CNTN5: variants seen among roughly 807,000 people sequenced by gnomAD.
CNTN5 encodes the protein contactin 5.
A neutral mutation model predicts 129.1 loss-of-function variants in CNTN5; 77 were observed. The ratio of observed to expected loss-of-function variants is 0.60; its 90% CI spans 0.50 to 0.72. The LOEUF is 0.72. CNTN5 is among the 30% of genes least tolerant of loss of function. The probability of loss-of-function intolerance (pLI) is 0.00; values close to 1 mark genes in which losing one functional copy is unlikely to be tolerated. For synonymous variants in CNTN5, 509 were observed against 465.6 expected (o/e 1.09, Z -1.20); for missense variants, 1,478 against 1,328.8 (o/e 1.11, Z -1.75).
intron 1 of CNTN5, among the ~76,000 whole-genome samples, chr11:99,113,824 CTT>C (rs751889469): frequency 6.6e-6 from 1 of 152,072 alleles, no homozygotes; most frequent in Non-Finnish European, 1.5e-5. Flanking sequence ...AAATTCCTAA[CTT>C]ATTACATAAA....
chr11:99,274,908 G>C (rs1017404410), intron 1 of CNTN5, among the ~76,000 whole-genome samples: 2 of 151,386 alleles, frequency 1.3e-5, no homozygotes, highest in Non-Finnish European at 3.0e-5. Flanking sequence ...TTAATTACCA[G>C]TAGTTGTAGT....
chr11:99,913,449 G>GAA (rs59569457), intron 6 of CNTN5, among the ~76,000 whole-genome samples: 5 of 148,536 alleles, frequency 3.4e-5, no homozygotes, highest in African/African-American at 1.2e-4. Flanking sequence ...CTTCAAGAAA[G>GAA]AAAAAAAAAA....
At chr11:99,575,934 G>A (rs1436949077) in intron 3 of CNTN5, among the ~76,000 whole-genome samples, 1 of 152,128 alleles carries the variant, frequency 6.6e-6, no homozygotes, top group African/African-American at 2.4e-5. Context: ...AGAACCAATA[G>A]GGGCAACCCA....
intron 24 of CNTN5, among the ~76,000 whole-genome samples, chr11:100,351,975 G>C (rs1361100688): frequency 6.6e-6 from 1 of 151,456 alleles, no homozygotes; most frequent in Non-Finnish European, 1.5e-5. Context: ...AGACAGACTG[G>C]AACTTTGAGG....
intron 9 of CNTN5, among the ~76,000 whole-genome samples, chr11:100,052,296 C>G (rs1943000694): frequency 6.6e-6 from 1 of 151,610 alleles, no homozygotes; most frequent in African/African-American, 2.4e-5. Context: ...AAAATATTTC[C>G]CCTTTCCTTT....
At chr11:99,829,591 A>G (rs150521928) in intron 4 of CNTN5, among the ~76,000 whole-genome samples, 40 of 152,108 alleles carry the variant, frequency 2.6e-4, no homozygotes, top group Admixed American at 2.5e-3. Flanking sequence ...CTCAGTATCT[A>G]CTCTGTTTTC....
intron 15 of CNTN5, among the ~76,000 whole-genome samples, chr11:100,206,705 T>A (rs1948919420): frequency 6.6e-6 from 1 of 152,054 alleles, no homozygotes; most frequent in Non-Finnish European, 1.5e-5. Flanking sequence ...GTTCTAAGAA[T>A]AAATGTACTT....
intron 2 of CNTN5, among the ~76,000 whole-genome samples, chr11:99,493,190 C>T (rs555484340): frequency 6.6e-6 from 1 of 152,246 alleles, no homozygotes; most frequent in Admixed American, 6.5e-5. Context: ...TTAAGTTTTA[C>T]AAAAATTATC....
intron 21 of CNTN5, chr11:100,309,115 T>C (rs762496676): frequency 3.0e-6 from 3 of 985,160 alleles, no homozygotes; most frequent in Non-Finnish European, 3.6e-6. Flanking sequence ...TTGTTCTTGT[T>C]CTTGCCTTGC....
At chr11:99,142,017 T>G (rs1859538375) in intron 1 of CNTN5, among the ~76,000 whole-genome samples, 1 of 152,070 alleles carries the variant, frequency 6.6e-6, no homozygotes, top group Admixed American at 6.6e-5. Context: ...TTTCCTGGAG[T>G]GTCTGACTGT....
At chr11:99,224,618 C>T (rs2135711385) in intron 1 of CNTN5, among the ~76,000 whole-genome samples, 1 of 149,018 alleles carries the variant, frequency 6.7e-6, no homozygotes, top group Non-Finnish European at 1.5e-5. Flanking sequence ...TAACAGCTAG[C>T]TATCTTCCAG....
chr11:99,633,481 A>G (rs879733671), intron 3 of CNTN5, among the ~76,000 whole-genome samples: 2 of 152,218 alleles, frequency 1.3e-5, no homozygotes, highest in African/African-American at 2.4e-5. Flanking sequence ...ATACATATTT[A>G]TCAAGCAGCT....
intron 3 of CNTN5, among the ~76,000 whole-genome samples, chr11:99,561,976 G>A (rs1229851114): frequency 6.6e-6 from 1 of 152,060 alleles, no homozygotes; most frequent in East Asian, 1.9e-4. Flanking sequence ...TGCCTCCTTG[G>A]CATACTAGTT....
In CNTN5 at chr11:99,810,451, T is replaced by TA. The variant is rs141597885; in HGVS notation, c.56-9088dup. 1.0e-2 allele frequency among the ~76,000 whole-genome samples: 1,517 copies of TA among 152,252 alleles called. 24 individuals carry two copies. Among genetic ancestry groups the TA allele is most frequent in the African/African-American group, 0.035 (1,440 of 41,550 alleles). On this transcript the variant is annotated intron_variant, in intron 3 of 24. Transcript: ENST00000524871. ...GTTTAAATGCCTGACTCCAGTGCTT[T>TA]AAAAATCGTGTATTTCATCCTCTGC... is the stretch of plus-strand genomic sequence containing the variant.
At chr11:99,628,344 A>T (rs1214073290) in intron 3 of CNTN5, among the ~76,000 whole-genome samples, 1 of 152,042 alleles carries the variant, frequency 6.6e-6, no homozygotes, top group African/African-American at 2.4e-5. Context: ...TCTAGATTGA[A>T]ACACCACATC....
chr11:100,026,598 A>G (rs1688966288), intron 9 of CNTN5, among the ~76,000 whole-genome samples: 1 of 152,102 alleles, frequency 6.6e-6, no homozygotes, highest in Non-Finnish European at 1.5e-5. Flanking sequence ...GTAGTGTTTC[A>G]TTGTTATTTT....
chr11:99,286,641 G>A (rs1476268321), intron 1 of CNTN5, among the ~76,000 whole-genome samples: 1 of 152,014 alleles, frequency 6.6e-6, no homozygotes, highest in Non-Finnish European at 1.5e-5. Context: ...AACAAAAGAA[G>A]CCTAATGTTT....
rs1948563040 is a variant in CNTN5 at position 100,193,788 on chromosome 11, A to G, written c.1884+125A>G. ...AACAGAACATCGACTTGATAAAAACAATTACTTTCTGCCATTATTTTATGT... is the reference window on the plus strand; with the variant it reads ...AACAGAACATCGACTTGATAAAAACGATTACTTTCTGCCATTATTTTATGT... On this transcript the variant is annotated intron_variant, in intron 15 of 24. Transcript: ENST00000524871. 3 of 722,200 alleles carry G rather than the reference A, an allele frequency of 4.2e-6. No homozygotes were observed. In the African/African-American group the frequency reaches 5.6e-5, roughly 13 times the overall value. 44.7% of individuals were successfully genotyped at this position (722,200 alleles called of 1,614,324 possible). A position where few individuals can be genotyped will look rare whatever the true frequency, so the allele number is the denominator to read the frequency against.
intron 3 of CNTN5, among the ~76,000 whole-genome samples, chr11:99,757,139 A>C (rs542882492): frequency 6.6e-6 from 1 of 152,030 alleles, no homozygotes; most frequent in African/African-American, 2.4e-5. Context: ...AATGTGATCC[A>C]TTCGTTTCTC....
Sources: gnomAD v4.1 joint callset for allele counts (sites outside exome capture counted in the v4.1 genomes callset) on GRCh38, gnomAD v4.1.1 for gene constraint, MANE v1.5 for transcripts, NCBI Gene and HGNC (gene_info 2026-07-23, HGNC 2026-07-21) for gene names.